Variants in TRAPPC6B observed in about 807,000 individuals in gnomAD.
TRAPPC6B encodes the protein trafficking protein particle complex subunit 6B.
In TRAPPC6B, 27 loss-of-function variants were observed where a neutral mutation model predicts 24.7. The observed-to-expected ratio is 1.09, with a 90% CI of 0.81 to 1.51. The LOEUF is 1.51. Among genes scored for constraint, TRAPPC6B ranks in the 40% most tolerant of loss-of-function variants. TRAPPC6B has a pLI of 0.00. For synonymous variants in TRAPPC6B, 80 were observed against 66.6 expected (o/e 1.20, Z -0.98); for missense variants, 212 against 190.8 (o/e 1.11, Z -0.66).
intron 3 of TRAPPC6B, among the ~76,000 whole-genome samples, chr14:39,154,712 G>A (rs2052955585): frequency 6.6e-6 from 1 of 152,020 alleles, no homozygotes; most frequent in Non-Finnish European, 1.5e-5. Flanking sequence ...AAGCCCACGT[G>A]CCCAGCCTGG....
intron 1 of TRAPPC6B, among the ~76,000 whole-genome samples, chr14:39,169,721 A>G (rs1936717370): frequency 6.6e-6 from 1 of 152,208 alleles, no homozygotes; most frequent in Admixed American, 6.5e-5. Context: ...CCTCTCGTAA[A>G]TAATGGCAGG....
At chr14:39,154,422 TTC>T in intron 3 of TRAPPC6B, 128 bp from the exon 4 acceptor site, 1 of 624,848 alleles carries the variant, frequency 1.6e-6, no homozygotes, top group Non-Finnish European at 2.7e-6. Flanking sequence ...TGGCCAAGTT[TTC>T]TTTTTCTGTT....
intron 1 of TRAPPC6B, among the ~76,000 whole-genome samples, chr14:39,160,117 C>T (rs189498558): frequency 5.3e-5 from 8 of 152,160 alleles, no homozygotes; most frequent in Admixed American, 1.3e-4. Flanking sequence ...CGTGAGCCAC[C>T]GCGCCCAGAC....
rs1424039403 is a variant in TRAPPC6B at position 39,159,671 on chromosome 14, C to T, written c.82-121G>A. On this transcript the variant is annotated intron_variant, in intron 1 of 5. Coordinates refer to ENST00000330149, the MANE Select transcript of TRAPPC6B (RefSeq NM_001079537.2). ...AACATTTATACTTTTTTCCCTGAAACAGTTTAAGAAAAAGTGAATTATAAG... is the reference window on the plus strand; with the variant it reads ...AACATTTATACTTTTTTCCCTGAAATAGTTTAAGAAAAAGTGAATTATAAG... 1.0e-5 allele frequency: 6 copies of T among 596,868 alleles called. No homozygotes were observed. The East Asian group carries it at 1.0e-4, about 10-fold the overall frequency. 37.0% of individuals were successfully genotyped at this position (596,868 alleles called of 1,614,324 possible).
chr14:39,155,835 C>T (rs982763302), intron 3 of TRAPPC6B, among the ~76,000 whole-genome samples: 8 of 152,124 alleles, frequency 5.3e-5, no homozygotes, highest in Admixed American at 1.3e-4. Flanking sequence ...CCGCGCCCAG[C>T]TTTATTTTTT....
At chr14:39,156,627 C>CT (rs1394233207) in intron 3 of TRAPPC6B, 3 of 152,086 alleles carry the variant, frequency 2.0e-5, no homozygotes, top group African/African-American at 7.2e-5. Flanking sequence ...GTAAGAAAAT[C>CT]TTTTAAGAGT....
chr14:39,165,069 G>A (rs150595743), intron 1 of TRAPPC6B, among the ~76,000 whole-genome samples: 49 of 145,822 alleles, frequency 3.4e-4, no homozygotes, highest in East Asian at 3.3e-3. Context: ...TTTTTGAGAC[G>A]GAGTCTCGCT....
intron 1 of TRAPPC6B, among the ~76,000 whole-genome samples, chr14:39,159,812 TAGA>T (rs1004567252): frequency 5.0e-4 from 76 of 152,244 alleles, no homozygotes; most frequent in African/African-American, 1.6e-3. Flanking sequence ...AAAACTTCAA[TAGA>T]AGGATACATT....
Position 39,148,557 on chromosome 14 carries a change from C to T in TRAPPC6B, c.*1793G>A. Reference sequence around the variant, plus strand: ...CCAACTTATTTGAACCCAGCTTTTTCACACACACAATTCTCACACCTGTTT... The same window carrying T: ...CCAACTTATTTGAACCCAGCTTTTTTACACACACAATTCTCACACCTGTTT... On this transcript the variant is annotated 3_prime_UTR_variant, in exon 6 of 6. Coordinates refer to ENST00000330149, the MANE Select transcript of TRAPPC6B (RefSeq NM_001079537.2). The T allele has an allele frequency of 2.5e-6, 1 of 397,698 alleles. No individual in the cohort carries two copies. Among genetic ancestry groups the T allele is most frequent in the Non-Finnish European group, 4.4e-6 (1 of 225,562 alleles). 24.6% of individuals were successfully genotyped at this position (397,698 alleles called of 1,614,324 possible). A position where few individuals can be genotyped will look rare whatever the true frequency, so the allele number is the denominator to read the frequency against.
chr14:39,168,653 C>A (rs1407527255), intron 1 of TRAPPC6B, among the ~76,000 whole-genome samples: 1 of 152,124 alleles, frequency 6.6e-6, no homozygotes, highest in East Asian at 1.9e-4. Context: ...AATAGTACCA[C>A]CATCCAACCC....
chr14:39,166,759 G>A (rs996268702), intron 1 of TRAPPC6B, among the ~76,000 whole-genome samples: 1 of 152,118 alleles, frequency 6.6e-6, no homozygotes, highest in Non-Finnish European at 1.5e-5. Context: ...GGCCTTTTGA[G>A]ATGTCTTTTC....
Position 39,148,883 on chromosome 14 carries a change from T to C in TRAPPC6B, c.*1467A>G. On this transcript the variant is annotated 3_prime_UTR_variant, in exon 6 of 6. Transcript: ENST00000330149. ...TATGATCTACTATACACCTAAGCTA[T>C]GGCCTATTGCTCCTAGGCTACAAAC... 5.0e-6 allele frequency: 2 copies of C among 396,860 alleles called. No individual in the cohort carries two copies. Among genetic ancestry groups the C allele is most frequent in the Non-Finnish European group, 8.9e-6 (2 of 225,354 alleles). The allele number at this position is 396,860 out of a possible 1,614,324, so 24.6% of individuals were successfully genotyped here. A position where few individuals can be genotyped will look rare whatever the true frequency, so the allele number is the denominator to read the frequency against.
rs566650705 is a variant in TRAPPC6B, at chr14:39,150,781, C to T, written c.446-400G>A. On this transcript the variant is annotated intron_variant, in intron 5 of 5. Coordinates refer to ENST00000330149, the MANE Select transcript of TRAPPC6B (RefSeq NM_001079537.2). ...CTCAAACTCCTGACCTCATGATACG[C>T]CCACCTCGGCCTCCCAAAGTGCTGA... Among the ~76,000 whole-genome samples the T allele has an allele frequency of 8.5e-5, 13 of 152,276 alleles. No individual in the cohort carries two copies. In the South Asian group the frequency reaches 2.7e-3, roughly 32 times the overall value.
At chr14:39,169,913 G>T in intron 1 of TRAPPC6B, 102 bp downstream of exon 1, 1 of 1,143,262 alleles carries the variant, frequency 8.7e-7, no homozygotes, top group Non-Finnish European at 1.3e-6. Context: ...GTACACCTCG[G>T]GAGGCGTCGG....
At chr14:39,164,286 T>G (rs1594543729) in intron 1 of TRAPPC6B, among the ~76,000 whole-genome samples, 1 of 151,766 alleles carries the variant, frequency 6.6e-6, no homozygotes, top group African/African-American at 2.4e-5. Flanking sequence ...AGGTCAGGAG[T>G]TCGAGACCAG....
chr14:39,150,225 G>T lies in TRAPPC6B; in HGVS notation c.*125C>A. ...CATCTCCTTTGATCTGTGTTAAATT[G>T]ATAAAAATACATGCTTACTCCTGTA... On this transcript the variant is annotated 3_prime_UTR_variant, in exon 6 of 6. Transcript: ENST00000330149. 1 of 819,806 alleles carries T rather than the reference G, an allele frequency of 1.2e-6. No individual in the cohort carries two copies. Among genetic ancestry groups the T allele is most frequent in the South Asian group, 1.7e-5 (1 of 60,534 alleles). The allele number at this position is 819,806 out of a possible 1,614,324, so 50.8% of individuals were successfully genotyped here.
intron 3 of TRAPPC6B, chr14:39,157,635 T>C: frequency 2.8e-6 from 1 of 350,972 alleles, no homozygotes; most frequent in South Asian, 2.4e-5. Flanking sequence ...GACTGGGATG[T>C]CTAATCCACA....
chr14:39,153,630 TAAAAA>T (rs1297497878), intron 4 of TRAPPC6B, among the ~76,000 whole-genome samples: 1 of 135,448 alleles, frequency 7.4e-6, no homozygotes, highest in Admixed American at 7.5e-5. Context: ...GACCTTGTCT[TAAAAA>T]AAAAAAAAAA....
Position 39,170,129 on chromosome 14 carries a change from C to T in TRAPPC6B, c.-34G>A. The T allele has an allele frequency of 6.2e-7, 1 of 1,612,140 alleles. No homozygotes were observed. The highest frequency in any genetic ancestry group is 8.5e-7 in the Non-Finnish European group (1 of 1,178,318). On this transcript the variant is annotated 5_prime_UTR_variant, in exon 1 of 6. Transcript: ENST00000330149. ...AATTCTTCCAAGCTTCGAGTTTTGG[C>T]TCCCGTTTGAGCTGGTCTGGGGGTT...
Sources: allele counts gnomAD v4.1 joint callset (sites outside exome capture counted in the v4.1 genomes callset), GRCh38; gene constraint gnomAD v4.1.1; transcripts MANE v1.5; gene names NCBI Gene and HGNC (gene_info 2026-07-23, HGNC 2026-07-21).